The following CCDC136 variants were observed in gnomAD, a reference collection of about 807,000 sequenced individuals.
The protein encoded by CCDC136 is coiled-coil domain containing 136, also known as coiled-coil domain-containing protein 136.
A neutral mutation model predicts 141.2 loss-of-function variants in CCDC136; 100 were observed. The observed-to-expected ratio is 0.71, with a 90% CI of 0.60 to 0.84. The LOEUF (loss-of-function observed/expected upper bound fraction) is 0.84, where lower values mean the gene tolerates loss of function less well. Among genes scored for constraint, CCDC136 ranks in the 40% least tolerant of loss-of-function variants. CCDC136 has a pLI of 0.00. For missense variants in CCDC136, 1,206 were observed against 1,379.4 expected (o/e 0.87, Z 1.99); for synonymous variants, 474 against 531.9 (o/e 0.89, Z 1.50).
intron 3 of CCDC136, among the ~76,000 whole-genome samples, chr7:128,796,736 T>C (rs1055729569): frequency 2.4e-5 from 3 of 123,180 alleles, no homozygotes; most frequent in African/African-American, 1.2e-4. Flanking sequence ...TATATATATA[T>C]ATATTCTTTT....
At chr7:128,791,473 A>AAGGCGGC, upstream of CCDC136, 1 of 1,318,970 alleles carries the variant, frequency 7.6e-7, no homozygotes, top group Non-Finnish European at 9.6e-7. The surrounding 1 kb of genome is among the most constrained non-coding windows in gnomAD (Gnocchi z 7.1). Context: ...AGGGAGGCGG[A>AAGGCGGC]AGGCGGCGGC....
At chr7:128,793,615 G>A (rs921810436) in intron 1 of CCDC136, among the ~76,000 whole-genome samples, 6 of 152,136 alleles carry the variant, frequency 3.9e-5, no homozygotes, top group Non-Finnish European at 8.8e-5. Flanking sequence ...GTTTTTGTTT[G>A]TTTGTTTGTT....
intron 16 of CCDC136, 125 bp downstream of exon 16, chr7:128,816,056 C>T: frequency 1.1e-6 from 1 of 898,462 alleles, no homozygotes; most frequent in Non-Finnish European, 1.7e-6. Context: ...CTCTAAGGCA[C>T]AACCCTTCGG....
intron 15 of CCDC136, 48 bp from the exon 16 acceptor site, chr7:128,815,566 G>A: frequency 6.6e-7 from 1 of 1,511,020 alleles, no homozygotes; most frequent in South Asian, 1.3e-5. Context: ...GAGATTAGGA[G>A]CTTCACAGGT....
chr7:128,799,110 T>A (rs1803568309), intron 3 of CCDC136, among the ~76,000 whole-genome samples: 1 of 139,958 alleles, frequency 7.1e-6, no homozygotes, highest in East Asian at 2.1e-4. Context: ...CCAAGATGGA[T>A]CGCCTGAGCC....
chr7:128,812,372 A>C lies in CCDC136; in HGVS notation c.2541+60A>C, dbSNP rs573219792. The C allele has an allele frequency of 6.2e-5, 95 of 1,520,178 alleles. No individual in the cohort carries two copies. In the African/African-American group the frequency reaches 1.2e-3, roughly 19 times the overall value. The allele number at this position is 1,520,178 out of a possible 1,614,324, so 94.2% of individuals were successfully genotyped here. A position where few individuals can be genotyped will look rare whatever the true frequency, so the allele number is the denominator to read the frequency against. On this transcript the variant is annotated intron_variant, in intron 13 of 17. Transcript: ENST00000297788. ...CGATGGACTCTTGTCTTTTTAAGAG[A>C]TACATCGCCAGGGGAAGGGGCAAGA... is the stretch of plus-strand genomic sequence containing the variant.
chr7:128,799,172 T>TAAA (rs35342890), intron 3 of CCDC136, among the ~76,000 whole-genome samples: 37 of 51,322 alleles, frequency 7.2e-4, no homozygotes, highest in African/African-American at 3.3e-3. Context: ...ATCTCTACAT[T>TAAA]AAAAAAAAAA....
At chr7:128,815,489 C>T (rs1806452269) in intron 15 of CCDC136, 125 bp from the exon 16 acceptor site, 6 of 1,094,850 alleles carry the variant, frequency 5.5e-6, no homozygotes, top group Admixed American at 2.8e-5. Flanking sequence ...CCCAGAGCAC[C>T]GGGCCACACC....
chr7:128,815,003 C>G (rs1259294768), intron 15 of CCDC136, 84 bp downstream of exon 15: 1 of 1,180,100 alleles, frequency 8.5e-7, no homozygotes, highest in African/African-American at 1.5e-5. Context: ...CCCTTTCAAC[C>G]AGGCAAGGGA....
chr7:128,797,506 C>T (rs1585056396), intron 3 of CCDC136, among the ~76,000 whole-genome samples: 1 of 152,160 alleles, frequency 6.6e-6, no homozygotes, highest in South Asian at 2.1e-4. Flanking sequence ...TGGAGCATGT[C>T]ATGCCCTGTA....
At position 128,811,853 on chromosome 7, in the gene CCDC136, C is replaced by A. The variant is rs761506556; in HGVS notation, c.2082C>A (p.Ala694=). The change falls in exon 13 of 18, where the codon GCC becomes GCA. Residue 694 remains alanine (A), a synonymous_variant. Transcript: ENST00000297788. Reference sequence around the variant, plus strand: ...AGGCCCTGCAGGTGATGTATGACGCCGGTCAGGCGAAGCAGGAGCTCTTGC... The same window carrying A: ...AGGCCCTGCAGGTGATGTATGACGCAGGTCAGGCGAAGCAGGAGCTCTTGC... The part of the protein sequence containing the change: ...QMQALQVMYD[A]GQAKQELLQQ... The A allele has an allele frequency of 3.1e-6, 5 of 1,610,012 alleles. No individual in the cohort carries two copies. In the East Asian group the frequency reaches 8.9e-5, roughly 29 times the overall value.
chr7:128,819,565 C>T (rs1242776240), intron 17 of CCDC136, among the ~76,000 whole-genome samples: 1 of 152,204 alleles, frequency 6.6e-6, no homozygotes, highest in African/African-American at 2.4e-5. Flanking sequence ...CACGCACTTA[C>T]AAAATGCAGT....
intron 1 of CCDC136, among the ~76,000 whole-genome samples, chr7:128,793,730 C>T (rs1300123892): frequency 6.6e-6 from 1 of 152,180 alleles, no homozygotes; most frequent in Non-Finnish European, 1.5e-5. Context: ...CTGCCTTAGC[C>T]TCCCAAGTAG....
intron 1 of CCDC136, among the ~76,000 whole-genome samples, chr7:128,792,901 G>T (rs900081909): frequency 3.9e-5 from 6 of 152,222 alleles, no homozygotes; most frequent in African/African-American, 1.4e-4. Context: ...GAGCCTAGGA[G>T]GGGGCGCGTG....
intron 10 of CCDC136, chr7:128,808,731 C>T (rs1805244994): frequency 1.0e-6 from 1 of 985,430 alleles, no homozygotes; most frequent in Non-Finnish European, 1.2e-6. Flanking sequence ...CACGTTTCCT[C>T]CTTTTTCCAC....
chr7:128,813,045 G>A (rs1376552260), intron 14 of CCDC136, 116 bp downstream of exon 14: 1 of 706,662 alleles, frequency 1.4e-6, no homozygotes, highest in Non-Finnish European at 2.4e-6. Flanking sequence ...GCACCTCAGA[G>A]GCTGGGCAGT....
Position 128,792,445 on chromosome 7 carries a change from G to C in CCDC136, c.16+18G>C, listed in dbSNP as rs1802325865. 1.9e-6 allele frequency: 3 copies of C among 1,591,260 alleles called. No individual in the cohort carries two copies. The highest frequency in any genetic ancestry group is 1.4e-5 in the African/African-American group (1 of 73,704). On this transcript the variant is annotated intron_variant, in intron 1 of 17. Transcript: ENST00000297788. ...TATGGAGGGTGAGTTTTCCCAAAAG[G>C]CTTCTTTCTTTCCCCTCCCCTCCTC...
chr7:128,813,829 A>C (rs1806142915), intron 14 of CCDC136, among the ~76,000 whole-genome samples: 1 of 152,036 alleles, frequency 6.6e-6, no homozygotes, highest in African/African-American at 2.4e-5. Context: ...AAAAATACAC[A>C]AAATTAGCTG....
chr7:128,795,739 T>C lies in CCDC136; in HGVS notation c.346+971T>C, dbSNP rs1052940800. On this transcript the variant is annotated intron_variant, in intron 3 of 17. Coordinates refer to ENST00000297788, the MANE Select transcript of CCDC136 (RefSeq NM_022742.5). ...ATTGTGTGATCTTGGGCAAGTCACT[T>C]ATCTTTCTGAGATGTCATTTCTTAT... 2.6e-5 allele frequency among the ~76,000 whole-genome samples: 4 copies of C among 152,168 alleles called. No homozygotes were observed. The South Asian group carries it at 8.3e-4, about 31-fold the overall frequency.
Sources: allele counts gnomAD v4.1 joint callset (sites outside exome capture counted in the v4.1 genomes callset), GRCh38; gene constraint gnomAD v4.1.1; non-coding constraint Gnocchi (gnomAD v3.1); transcripts MANE v1.5; gene names NCBI Gene and HGNC (gene_info 2026-07-23, HGNC 2026-07-21).